The following GSN variants were observed in gnomAD, a reference collection of about 807,000 sequenced individuals.
The protein encoded by GSN is actin-depolymerizing factor.
Under a neutral mutation model 85.7 loss-of-function variants are expected in GSN, and 56 were observed. That is an observed-to-expected ratio of 0.65 (90% CI 0.53 to 0.82). The LOEUF (loss-of-function observed/expected upper bound fraction) is 0.82, where lower values mean the gene tolerates loss of function less well. Ranked by LOEUF, GSN falls within the 40% of genes least tolerant of loss-of-function variation. The pLI, the probability that GSN is intolerant of heterozygous loss-of-function variation, is 0.00. For synonymous variants in GSN, 373 were observed against 399.1 expected (o/e 0.93, Z 0.78); for missense variants, 857 against 979.8 (o/e 0.87, Z 1.67).
chr9:121,286,566 G>T (rs758011594), intron 2 of GSN: 8 of 1,458,046 alleles, frequency 5.5e-6, no homozygotes, highest in Admixed American at 2.5e-5. Context: ...CCGTGGCTCT[G>T]TTGGGCCATG....
chr9:121,248,483 C>T (rs1026058824), intron 6 of GSN, among the ~76,000 whole-genome samples: 29 of 152,080 alleles, frequency 1.9e-4, no homozygotes, highest in Non-Finnish European at 3.1e-4. Context: ...CCATCTCGTC[C>T]CTCCTTCCTT....
chr9:121,277,001 G>A (rs1588628642), intron 1 of GSN, among the ~76,000 whole-genome samples: 1 of 152,194 alleles, frequency 6.6e-6, no homozygotes, highest in African/African-American at 2.4e-5. Flanking sequence ...TCTTGGTTGT[G>A]TGGTCTTGGG....
At chr9:121,243,798 G>A (rs188889692) in intron 5 of GSN, among the ~76,000 whole-genome samples, 341 of 152,236 alleles carry the variant, frequency 2.2e-3, no homozygotes, top group African/African-American at 7.9e-3. Context: ...GGCTGGTCTT[G>A]AACTCCTGAC....
In GSN at chr9:121,257,991, A is replaced by G. The variant is rs531541240; in HGVS notation, c.-340-7163A>G. 4.6e-5 allele frequency among the ~76,000 whole-genome samples: 7 copies of G among 152,390 alleles called. No individual in the cohort carries two copies. The East Asian group carries it at 1.3e-3, about 29-fold the overall frequency. Reference sequence around the variant, plus strand: ...GGAAAAATGTTTGCTTAATAATGTAAGGAGGAAAAAATGATAGTCTATAAT... The same window carrying G: ...GGAAAAATGTTTGCTTAATAATGTAGGGAGGAAAAAATGATAGTCTATAAT... On this transcript the variant is annotated intron_variant, in intron 6 of 24. Transcript: ENST00000373823.
At chr9:121,208,584 C>G (rs572050332) in intron 1 of GSN, among the ~76,000 whole-genome samples, 1 of 152,342 alleles carries the variant, frequency 6.6e-6, no homozygotes, top group Admixed American at 6.5e-5. Context: ...AAAATACTTA[C>G]TCCAGCTAAC....
intron 5 of GSN, chr9:121,239,743 C>G: frequency 3.5e-6 from 1 of 288,730 alleles, no homozygotes; most frequent in Non-Finnish European, 6.9e-6. Flanking sequence ...TAATACCCAA[C>G]AAAGCATATC....
chr9:121,328,716 G>A (rs112860510), intron 14 of GSN, 175 bp from the exon 15 acceptor site: 133 of 696,806 alleles, frequency 1.9e-4, no homozygotes, highest in Non-Finnish European at 2.4e-4. Context: ...CCTCTATTTC[G>A]TCACCTTCCA....
chr9:121,212,167 TAAC>T (rs1303701716), intron 4 of GSN, among the ~76,000 whole-genome samples: 1 of 152,096 alleles, frequency 6.6e-6, no homozygotes, highest in African/African-American at 2.4e-5. Flanking sequence ...TAAAAAAACA[TAAC>T]AAAACAGATA....
At chr9:121,218,368 C>T (rs1196610853) in intron 4 of GSN, among the ~76,000 whole-genome samples, 1 of 152,186 alleles carries the variant, frequency 6.6e-6, no homozygotes, top group Non-Finnish European at 1.5e-5. Flanking sequence ...GGCTCGGTGG[C>T]TCATGCCTGT....
At position 121,332,813 on chromosome 9, in the gene GSN, T is replaced by G; in HGVS notation, c.*210T>G. ...GTCTAAAATGTCAGTGTTTGGGAAA[T>G]TAAATCCAATAAAAACATTTTGAAG... On this transcript the variant is annotated 3_prime_UTR_variant, in exon 18 of 18. Coordinates refer to ENST00000432226, the MANE Select transcript of GSN (RefSeq NM_198252.3). The surrounding 1 kb of genome is among the most constrained non-coding windows in gnomAD (Gnocchi z 4.8). The G allele has an allele frequency of 1.7e-6, 1 of 581,818 alleles. No individual in the cohort carries two copies. Among genetic ancestry groups the G allele is most frequent in the Non-Finnish European group, 3.1e-6 (1 of 327,464 alleles). 36.0% of individuals were successfully genotyped at this position (581,818 alleles called of 1,614,324 possible). A position where few individuals can be genotyped will look rare whatever the true frequency, so the allele number is the denominator to read the frequency against.
At chr9:121,242,493 C>T (rs2054623720) in intron 5 of GSN, among the ~76,000 whole-genome samples, 1 of 151,950 alleles carries the variant, frequency 6.6e-6, no homozygotes. Context: ...TGGGGCTAGA[C>T]AGGGGAAAGC....
At chr9:121,323,813 A>AG (rs1028690860) in intron 11 of GSN, among the ~76,000 whole-genome samples, 1 of 152,110 alleles carries the variant, frequency 6.6e-6, no homozygotes, top group Non-Finnish European at 1.5e-5. Context: ...AAAGGGTACT[A>AG]GTCAGTTATT....
intron 6 of GSN, among the ~76,000 whole-genome samples, chr9:121,252,906 G>T (rs2054870182): frequency 6.6e-6 from 1 of 152,162 alleles, no homozygotes; most frequent in Admixed American, 6.6e-5. Flanking sequence ...TAGTCAGTCT[G>T]GGGGGACTAT....
chr9:121,329,551 C>T lies in GSN; in HGVS notation c.1965+236C>T, dbSNP rs1175949088. ...CACTCACCTTGAAAGCTGCAAAACG[C>T]CCTATAAAGGCAAATCACATGACCT... is the stretch of plus-strand genomic sequence containing the variant. On this transcript the variant is annotated intron_variant, in intron 16 of 17. Transcript: ENST00000432226. The surrounding 1 kb of genome is among the most constrained non-coding windows in gnomAD (Gnocchi z 4.6). Among the ~76,000 whole-genome samples the T allele has an allele frequency of 2.0e-5, 3 of 152,196 alleles. No individual in the cohort carries two copies. In the East Asian group the frequency reaches 5.8e-4, roughly 29 times the overall value.
chr9:121,310,121 A>G (rs1417091303), intron 4 of GSN: 3 of 153,352 alleles, frequency 2.0e-5, no homozygotes, highest in African/African-American at 7.2e-5. Flanking sequence ...TCTTGGTTCA[A>G]TAAGATAGGG....
chr9:121,247,595 T>C (rs1008308498), intron 5 of GSN, among the ~76,000 whole-genome samples: 4 of 152,166 alleles, frequency 2.6e-5, no homozygotes, highest in African/African-American at 9.7e-5. Flanking sequence ...GAGAAGTGAG[T>C]AGAAAATGTT....
intron 4 of GSN, among the ~76,000 whole-genome samples, chr9:121,304,943 G>T (rs1204147593): frequency 6.6e-6 from 1 of 152,194 alleles, no homozygotes; most frequent in East Asian, 1.9e-4. Context: ...CTCCAGGTGG[G>T]GTGATGTGGG....
intron 7 of GSN, 151 bp from the exon 8 acceptor site, chr9:121,316,935 C>A (rs1039951648): frequency 1.3e-5 from 11 of 851,464 alleles, no homozygotes; most frequent in African/African-American, 3.4e-5. Context: ...AAGCAGAAAA[C>A]GAAAAAGAAC....
exon 5 of GSN, chr9:121,231,280 A>G (rs2054382844): frequency 6.6e-6 from 1 of 152,206 alleles, no homozygotes; most frequent in African/African-American, 2.4e-5. Context: ...CCTTCCATGG[A>G]AAATGTCATT....
Sources: allele counts gnomAD v4.1 joint callset (sites outside exome capture counted in the v4.1 genomes callset), GRCh38; gene constraint gnomAD v4.1.1; non-coding constraint Gnocchi (gnomAD v3.1); transcripts MANE v1.5; gene names NCBI Gene and HGNC (gene_info 2026-07-23, HGNC 2026-07-21).